Variants in SPINDOC observed in about 807,000 individuals in gnomAD.
SPINDOC encodes spindlin interactor and repressor of chromatin-binding protein.
In SPINDOC, 13 loss-of-function variants were observed where a neutral mutation model predicts 30.7. The observed-to-expected ratio is 0.42, with a 90% CI of 0.28 to 0.67. The LOEUF (loss-of-function observed/expected upper bound fraction) is 0.67, where lower values mean the gene tolerates loss of function less well. SPINDOC is among the 30% of genes least tolerant of loss of function. The pLI is 0.22. For synonymous variants in SPINDOC, 228 were observed against 211.4 expected (o/e 1.08, Z -0.68); for missense variants, 438 against 518.0 (o/e 0.85, Z 1.50).
chr11:63,822,855 A>G (rs770035140), intron 5 of SPINDOC: 1 of 1,289,198 alleles, frequency 7.8e-7, no homozygotes, highest in South Asian at 1.2e-5. Context: ...AGTGGTGAGT[A>G]GATGAGAAGA....
At chr11:63,814,745 A>C (rs2015294901) in intron 1 of SPINDOC, among the ~76,000 whole-genome samples, 1 of 152,196 alleles carries the variant, frequency 6.6e-6, no homozygotes, top group African/African-American at 2.4e-5. Context: ...GAAGGGTTAT[A>C]AAATTCATGA....
At chr11:63,822,929 G>A in intron 5 of SPINDOC, 3 of 1,259,936 alleles carry the variant, frequency 2.4e-6, no homozygotes, top group Non-Finnish European at 3.1e-6. Context: ...AGGGGCTTCA[G>A]CAGGCTGCTT....
In SPINDOC at chr11:63,813,653, T is replaced by G; in HGVS notation, c.-34T>G. 1 of 1,506,276 alleles carries G rather than the reference T, an allele frequency of 6.6e-7. No individual in the cohort carries two copies. Among genetic ancestry groups the G allele is most frequent in the Admixed American group, 2.2e-5 (1 of 45,496 alleles). The allele number at this position is 1,506,276 out of a possible 1,614,324, so 93.3% of individuals were successfully genotyped here. A position where few individuals can be genotyped will look rare whatever the true frequency, so the allele number is the denominator to read the frequency against. On this transcript the variant is annotated 5_prime_UTR_variant, in exon 1 of 6. Coordinates refer to ENST00000294244, the MANE Select transcript of SPINDOC (RefSeq NM_138471.3). ...CTGCGCGCCGAAGCCTGCGCGCCAG[T>G]CCTCCGGCCACTGCTATCGCCCACG...
rs766769553 is a variant in SPINDOC at position 63,818,860 on chromosome 11, C to T, written c.792C>T (p.His264=). The T allele has an allele frequency of 2.5e-6, 4 of 1,614,158 alleles. No individual in the cohort carries two copies. Among genetic ancestry groups the T allele is most frequent in the Middle Eastern group, 3.3e-4 (2 of 6,062 alleles). Residue 264 remains histidine, a synonymous_variant, in exon 5 of 6, where the codon CAC becomes CAT. Coordinates refer to ENST00000294244, the MANE Select transcript of SPINDOC (RefSeq NM_138471.3). The surrounding 1 kb of genome is among the most constrained non-coding windows in gnomAD (Gnocchi z 5.3). ...TCGCAGCACCAGCCGAGGTCCGACACTTCACTGACGGCAGCTTCCCCGCCG... is the reference window on the plus strand; with the variant it reads ...TCGCAGCACCAGCCGAGGTCCGACATTTCACTGACGGCAGCTTCCCCGCCG... ...ETFAAPAEVR[H]FTDGSFPAGF... is the part of the protein sequence containing the mutation.
chr11:63,823,153 G>C, intron 5 of SPINDOC: 3 of 1,289,128 alleles, frequency 2.3e-6, no homozygotes, highest in Non-Finnish European at 3.0e-6. Context: ...GCTGGAGGCA[G>C]TAAATCTTTA....
Position 63,824,231 on chromosome 11 carries a change from G to A in SPINDOC, c.935-2697G>A, listed in dbSNP as rs371822198. The stretch of plus-strand genomic sequence containing the variant: ...GGCCGGTCCTTCTCTTTATGATCTC[G>A]TGGTTACGGTGGGCTGATCACTCAC... On this transcript the variant is annotated intron_variant, in intron 5 of 5. Transcript: ENST00000294244. Among the ~76,000 whole-genome samples the A allele has an allele frequency of 7.2e-5, 11 of 152,218 alleles. No individual in the cohort carries two copies. In the South Asian group the frequency reaches 1.0e-3, roughly 14 times the overall value.
At position 63,818,768 on chromosome 11, in the gene SPINDOC, T is replaced by C; in HGVS notation, c.734-34T>C. The C allele has an allele frequency of 6.2e-7, 1 of 1,612,986 alleles. No individual in the cohort carries two copies. The highest frequency in any genetic ancestry group is 8.5e-7 in the Non-Finnish European group (1 of 1,179,814). On this transcript the variant is annotated intron_variant, in intron 4 of 5. Transcript: ENST00000294244. The surrounding 1 kb of genome is among the most constrained non-coding windows in gnomAD (Gnocchi z 5.3). ...GGGCGCCTGCAGCTCCTGAGGCTTT[T>C]TCACTCACAGTTCCATCCCGTCCTC...
chr11:63,827,241 A>C lies in SPINDOC; in HGVS notation c.*102A>C. 6.6e-7 allele frequency: 1 copy of C among 1,517,864 alleles called. No individual in the cohort carries two copies. Among genetic ancestry groups the C allele is most frequent in the Non-Finnish European group, 8.8e-7 (1 of 1,130,560 alleles). 94.0% of individuals were successfully genotyped at this position (1,517,864 alleles called of 1,614,324 possible). On this transcript the variant is annotated 3_prime_UTR_variant, in exon 6 of 6. Coordinates refer to ENST00000294244, the MANE Select transcript of SPINDOC (RefSeq NM_138471.3). Reference sequence around the variant, plus strand: ...CACCCACCTGGTGGAGAGAGTAGAAACAGGTGCCAGGGCAGGAGGGGGCTG... The same window carrying C: ...CACCCACCTGGTGGAGAGAGTAGAACCAGGTGCCAGGGCAGGAGGGGGCTG...
intron 1 of SPINDOC, among the ~76,000 whole-genome samples, chr11:63,814,959 C>T (rs2015300315): frequency 6.6e-6 from 1 of 152,122 alleles, no homozygotes; most frequent in Non-Finnish European, 1.5e-5. Flanking sequence ...ATTCACTGGA[C>T]GTCTACTTTA....
chr11:63,817,521 A>C (rs961432411), intron 1 of SPINDOC, among the ~76,000 whole-genome samples: 2 of 152,150 alleles, frequency 1.3e-5, no homozygotes, highest in Admixed American at 6.6e-5. Flanking sequence ...CAAAGGCTGG[A>C]GACCTGCAAG....
rs1449925169 is a variant in SPINDOC, at chr11:63,813,660, G to A, written c.-27G>A. 3 of 1,523,702 alleles carry A rather than the reference G, an allele frequency of 2.0e-6. No homozygotes were observed. The highest frequency in any genetic ancestry group is 1.2e-5 in the South Asian group (1 of 82,978). The allele number at this position is 1,523,702 out of a possible 1,614,324, so 94.4% of individuals were successfully genotyped here. A position where few individuals can be genotyped will look rare whatever the true frequency, so the allele number is the denominator to read the frequency against. On this transcript the variant is annotated 5_prime_UTR_variant, in exon 1 of 6. Coordinates refer to ENST00000294244, the MANE Select transcript of SPINDOC (RefSeq NM_138471.3). ...CCGAAGCCTGCGCGCCAGTCCTCCG[G>A]CCACTGCTATCGCCCACGGCCGCAC...
In SPINDOC at chr11:63,822,356, TAAAAAAA is replaced by T. The variant is rs753315518; in HGVS notation, c.934+3372_934+3378del. 4.6e-4 allele frequency among the ~76,000 whole-genome samples: 27 copies of T among 58,824 alleles called. 1 individual carries two copies. The Middle Eastern group carries it at 0.031, about 67-fold the overall frequency. The allele number at this position is 58,824 out of a possible 152,430, so 38.6% of individuals were successfully genotyped here. ...GCCTGGGCAACTGAGCTAGACTGTC[TAAAAAAA>T]AAAAAAAAAAAAAAAAAGAAACAAA... On this transcript the variant is annotated intron_variant, in intron 5 of 5. Transcript: ENST00000294244.
intron 1 of SPINDOC, among the ~76,000 whole-genome samples, chr11:63,817,473 T>A (rs566269949): frequency 6.6e-6 from 1 of 152,250 alleles, no homozygotes; most frequent in East Asian, 1.9e-4. Context: ...GCAGGGATGA[T>A]GTTGCCCAGC....
chr11:63,825,914 TC>T (rs2015644536), intron 5 of SPINDOC, among the ~76,000 whole-genome samples: 2 of 152,012 alleles, frequency 1.3e-5, no homozygotes, highest in African/African-American at 4.8e-5. Context: ...GAAATCACCA[TC>T]TTCTGTTTTT....
intron 5 of SPINDOC, among the ~76,000 whole-genome samples, chr11:63,823,823 C>T (rs1197259562): frequency 6.6e-6 from 1 of 152,024 alleles, no homozygotes; most frequent in Non-Finnish European, 1.5e-5. Flanking sequence ...TGGTCTCGAT[C>T]TCCTGACCTC....
intron 5 of SPINDOC, 98 bp from the exon 6 acceptor site, chr11:63,826,830 C>A: frequency 1.5e-6 from 1 of 683,914 alleles, no homozygotes; most frequent in South Asian, 1.6e-5. Flanking sequence ...AATGAAAGCC[C>A]TGGAAATGTG....
intron 1 of SPINDOC, among the ~76,000 whole-genome samples, chr11:63,816,262 T>C (rs1431897487): frequency 6.6e-6 from 1 of 151,910 alleles, no homozygotes; most frequent in Non-Finnish European, 1.5e-5. Context: ...CTAGCACACA[T>C]AACTGAGAAA....
chr11:63,818,644 C>G lies in SPINDOC; in HGVS notation c.725C>G (p.Pro242Arg). The G allele has an allele frequency of 6.2e-7, 1 of 1,613,744 alleles. No homozygotes were observed. The highest frequency in any genetic ancestry group is 8.5e-7 in the Non-Finnish European group (1 of 1,180,000). The part of the protein sequence containing the change: ...RGRPMTKNLD[P>R]DPEPPSPDSP... ...AGACCTATGACCAAAAACCTGGACC[C>G]TGACCCAGGTGAAGGGGAGGCCCGG... Residue 242 changes from proline to arginine, a missense_variant, in exon 4 of 6, where the codon CCT (proline) becomes CGT (arginine). Transcript: ENST00000294244. This position sits in a 1 kb window ranked among gnomAD's most constrained non-coding sequence, Gnocchi z 5.3.
intron 1 of SPINDOC, among the ~76,000 whole-genome samples, chr11:63,816,483 A>G (rs958005842): frequency 1.3e-5 from 2 of 152,140 alleles, no homozygotes; most frequent in African/African-American, 4.8e-5. Context: ...CCATGGTCGC[A>G]TGAGAGATAG....
Sources: gnomAD v4.1 joint callset for allele counts (sites outside exome capture counted in the v4.1 genomes callset) on GRCh38, gnomAD v4.1.1 for gene constraint, Gnocchi (gnomAD v3.1) non-coding constraint, MANE v1.5 for transcripts, NCBI Gene and HGNC (gene_info 2026-07-23, HGNC 2026-07-21) for gene names.